AGBL4: variants seen among roughly 807,000 people sequenced by gnomAD.
AGBL4 encodes AGBL carboxypeptidase 4.
AGBL4 carries 58 observed loss-of-function variants against 66.4 expected under a neutral mutation model. That is an observed-to-expected ratio of 0.87 (90% CI 0.71 to 1.09). AGBL4 has a LOEUF of 1.09. Among genes scored for constraint, AGBL4 ranks in the 50% least tolerant of loss-of-function variants. The probability of loss-of-function intolerance (pLI) is 0.00; values close to 1 mark genes in which losing one functional copy is unlikely to be tolerated. For missense variants in AGBL4, 579 were observed against 631.0 expected (o/e 0.92, Z 0.88); for synonymous variants, 234 against 222.9 (o/e 1.05, Z -0.44).
At chr1:49,255,703 A>G (rs1257134485) in intron 3 of AGBL4, among the ~76,000 whole-genome samples, 4 of 152,318 alleles carry the variant, frequency 2.6e-5, no homozygotes, top group African/African-American at 9.6e-5. Flanking sequence ...TTATAAAGAC[A>G]CATGCATGCA....
intron 3 of AGBL4, among the ~76,000 whole-genome samples, chr1:49,454,002 T>A (rs984532261): frequency 6.6e-6 from 1 of 151,796 alleles, no homozygotes; most frequent in Non-Finnish European, 1.5e-5. Context: ...CCGGAGCTAT[T>A]TATTCCAGTA....
At chr1:48,833,892 A>G (rs771615588) in intron 6 of AGBL4, among the ~76,000 whole-genome samples, 3 of 152,214 alleles carry the variant, frequency 2.0e-5, no homozygotes, top group Non-Finnish European at 2.9e-5. Context: ...TGCCACTTCC[A>G]CCACAGGCCC....
At chr1:48,830,319 G>A (rs548030618) in intron 6 of AGBL4, among the ~76,000 whole-genome samples, 25 of 152,286 alleles carry the variant, frequency 1.6e-4, no homozygotes, top group African/African-American at 5.3e-4. Context: ...TGTGAAATAG[G>A]CATTGCAACT....
chr1:49,704,379 G>A (rs1647161646), intron 2 of AGBL4, among the ~76,000 whole-genome samples: 1 of 151,920 alleles, frequency 6.6e-6, no homozygotes, highest in African/African-American at 2.4e-5. Flanking sequence ...TTAATAAAGA[G>A]GTAAGTATTT....
At chr1:49,490,394 A>T (rs1240608794) in intron 3 of AGBL4, among the ~76,000 whole-genome samples, 1 of 151,692 alleles carries the variant, frequency 6.6e-6, no homozygotes, top group Non-Finnish European at 1.5e-5. Flanking sequence ...AATTTTCTGC[A>T]TATTGCTGTT....
intron 3 of AGBL4, among the ~76,000 whole-genome samples, chr1:49,265,427 G>A (rs1382188944): frequency 6.6e-6 from 1 of 152,162 alleles, no homozygotes; most frequent in Non-Finnish European, 1.5e-5. Flanking sequence ...ATGGTATGGG[G>A]CTGAGTTGGG....
At chr1:48,743,682 A>G (rs1650286443) in intron 6 of AGBL4, among the ~76,000 whole-genome samples, 1 of 152,242 alleles carries the variant, frequency 6.6e-6, no homozygotes, top group South Asian at 2.1e-4. Context: ...ATGTTAACTT[A>G]GGTAACAGAT....
At chr1:48,663,062 G>T in intron 7 of AGBL4, 90 bp downstream of exon 7, 1 of 1,161,614 alleles carries the variant, frequency 8.6e-7, no homozygotes, top group Non-Finnish European at 1.3e-6. Flanking sequence ...TTAAGATAAT[G>T]GCTCTGCATG....
chr1:49,706,897 T>C (rs915237320), intron 2 of AGBL4, among the ~76,000 whole-genome samples: 1 of 152,234 alleles, frequency 6.6e-6, no homozygotes, highest in African/African-American at 2.4e-5. Flanking sequence ...GATTGCACTG[T>C]GGTCTGAAAG....
At position 48,736,264 on chromosome 1, in the gene AGBL4, C is replaced by A. The variant is rs934103701; in HGVS notation, c.635-73023G>T. The A allele has an allele frequency of 6.2e-7, 1 of 1,613,956 alleles. No individual in the cohort carries two copies. The highest frequency in any genetic ancestry group is 1.1e-5 in the South Asian group (1 of 91,070). On this transcript the variant is annotated intron_variant, in intron 6 of 13. Transcript: ENST00000371839. This position sits in a 1 kb window ranked among gnomAD's most constrained non-coding sequence, Gnocchi z 4.0. Reference sequence around the variant, plus strand: ...CTCTGACGATGCTTAGTTTGTGAGGCGAGAGGGGTGGTTTAGGGACTGCAT... The same window carrying A: ...CTCTGACGATGCTTAGTTTGTGAGGAGAGAGGGGTGGTTTAGGGACTGCAT...
rs1645648770 is a variant in AGBL4, at chr1:49,347,202, G to GAATGGCCT, written c.283-101346_283-101339dup. ...GATGCAATCCTCCTCTTGCTTTGGA[G>GAATGGCCT]AATGGCCTACTATGTCTATGAAGTA... is the stretch of plus-strand genomic sequence containing the variant. On this transcript the variant is annotated intron_variant, in intron 3 of 13. Coordinates refer to ENST00000371839, the MANE Select transcript of AGBL4 (RefSeq NM_032785.4). 2.0e-5 allele frequency among the ~76,000 whole-genome samples: 3 copies of GAATGGCCT among 151,370 alleles called. No homozygotes were observed. In the South Asian group the frequency reaches 6.3e-4, roughly 32 times the overall value.
At chr1:48,899,893 GA>G (rs1651917738) in intron 5 of AGBL4, among the ~76,000 whole-genome samples, 1 of 152,140 alleles carries the variant, frequency 6.6e-6, no homozygotes, top group African/African-American at 2.4e-5. Flanking sequence ...TCATGTATAT[GA>G]TTTCACCCTT....
intron 2 of AGBL4, chr1:49,845,100 C>T (rs1646102457): frequency 6.8e-7 from 1 of 1,461,362 alleles, no homozygotes; most frequent in African/African-American, 1.4e-5. Flanking sequence ...GCAGAAAGGC[C>T]TTTAGTCACA....
chr1:48,782,463 TG>T (rs1465428630), intron 6 of AGBL4, among the ~76,000 whole-genome samples: 7 of 152,180 alleles, frequency 4.6e-5, no homozygotes, highest in Admixed American at 1.3e-4. Context: ...TAAGGAGACC[TG>T]GGTTTTGTAA....
At chr1:49,368,045 C>T (rs959972231) in intron 3 of AGBL4, among the ~76,000 whole-genome samples, 4 of 152,182 alleles carry the variant, frequency 2.6e-5, no homozygotes, top group Non-Finnish European at 5.9e-5. Context: ...TGGATTCCCT[C>T]ACTTTGCATA....
intron 8 of AGBL4, among the ~76,000 whole-genome samples, chr1:48,639,133 G>A (rs971589285): frequency 6.6e-6 from 1 of 152,192 alleles, no homozygotes; most frequent in Non-Finnish European, 1.5e-5. Context: ...GATCCAGCCT[G>A]CTAATAAAAA....
chr1:49,971,906 G>GGTTGTTTTTTTTTTTTT (rs1457900823), intron 1 of AGBL4, among the ~76,000 whole-genome samples: 3 of 43,442 alleles, frequency 6.9e-5, no homozygotes, highest in Non-Finnish European at 1.3e-4. Context: ...GGTTTTTTTG[G>GGTTGTTTTTTTTTTTTT]GTTTTTTTTT....
At chr1:49,164,076 ATG>A (rs1646589154) in intron 4 of AGBL4, among the ~76,000 whole-genome samples, 2 of 152,184 alleles carry the variant, frequency 1.3e-5, no homozygotes, top group African/African-American at 4.8e-5. Flanking sequence ...TGCATAGTAT[ATG>A]TGTGTAGGAG....
At chr1:48,758,960 T>A in intron 6 of AGBL4, 1 of 1,603,678 alleles carries the variant, frequency 6.2e-7, no homozygotes, top group Non-Finnish European at 8.5e-7. Flanking sequence ...CGGAGCTCCT[T>A]CATTTCAGAC....
Sources: gnomAD v4.1 joint callset for allele counts (sites outside exome capture counted in the v4.1 genomes callset) on GRCh38, gnomAD v4.1.1 for gene constraint, Gnocchi (gnomAD v3.1) non-coding constraint, MANE v1.5 for transcripts, NCBI Gene and HGNC (gene_info 2026-07-23, HGNC 2026-07-21) for gene names.